TCF7L2: variants seen among roughly 807,000 people sequenced by gnomAD.
TCF7L2 encodes the protein transcription factor 7-like 2.
TCF7L2 carries 23 observed loss-of-function variants against 77.9 expected under a neutral mutation model. The observed-to-expected ratio is 0.30, with a 90% confidence interval of 0.21 to 0.42. The LOEUF is 0.42. Ranked by LOEUF, TCF7L2 falls within the 10% of genes least tolerant of loss-of-function variation. The probability of loss-of-function intolerance (pLI) is 1.00; values close to 1 mark genes in which losing one functional copy is unlikely to be tolerated. For synonymous variants in TCF7L2, 413 were observed against 340.2 expected, an observed-to-expected ratio of 1.21 and a Z score of -2.36; for missense variants, 654 against 793.1, an observed-to-expected ratio of 0.82 and a Z score of 2.11.
In TCF7L2 at chr10:113,092,441, G is replaced by T. The variant is rs1481938070; in HGVS notation, c.553-48743G>T. 2.0e-5 allele frequency among the ~76,000 whole-genome samples: 3 copies of T among 152,348 alleles called. No homozygotes were observed. The East Asian group carries it at 5.8e-4, about 29-fold the overall frequency. On this transcript the variant is annotated intron_variant, in intron 5 of 13. Transcript: ENST00000627217. ...AGAGAGCTGGTGGGCTCAGACTGGT[G>T]CAGGCAATTGGCAAGATTCTTGAGG...
intron 12 of TCF7L2, 77 bp from the exon 14 acceptor site, chr10:113,159,843 C>G: frequency 6.3e-6 from 1 of 159,094 alleles, no homozygotes; most frequent in Non-Finnish European, 1.2e-5. Context: ...CCCCCCCCCC[C>G]CCTCTTTCTC....
intron 5 of TCF7L2, chr10:113,129,615 A>C (rs1200065737): frequency 1.2e-5 from 14 of 1,163,224 alleles, no homozygotes; most frequent in Middle Eastern, 3.9e-4. Flanking sequence ...TAACAAGATA[A>C]TTCTAGGCAA....
chr10:113,065,402 A>G (rs1469187858), intron 5 of TCF7L2, among the ~76,000 whole-genome samples: 2 of 152,194 alleles, frequency 1.3e-5, no homozygotes, highest in Non-Finnish European at 2.9e-5. Flanking sequence ...GTGTGAGTAT[A>G]CCTTACGGGT....
At position 113,064,060 on chromosome 10, in the gene TCF7L2, ATTG is replaced by A. The variant is rs536702904; in HGVS notation, c.552+23937_552+23939del. Among the ~76,000 whole-genome samples, 295 of 152,108 alleles carry A rather than the reference ATTG, an allele frequency of 1.9e-3. 1 individual carries two copies. The highest frequency in any genetic ancestry group is 6.0e-3 in the African/African-American group (250 of 41,482). ...GAGGCGTTTATTGGTATTTGGAGAGATTGTTAAGAGCTTGCTGGAGTCAGGTGG... is the reference window on the plus strand; with the variant it reads ...GAGGCGTTTATTGGTATTTGGAGAGATTAAGAGCTTGCTGGAGTCAGGTGG... On this transcript the variant is annotated intron_variant, in intron 5 of 13. Transcript: ENST00000627217.
rs1335333532 is a variant in TCF7L2, at chr10:113,143,972, A to G, written c.735A>G (p.Leu245=). ...CAGATATATCCCCGTATTACCCACT[A>G]TCGCCTGGCACCGTAGGACAAATCC... The change falls in exon 7 of 14, where the codon CTA becomes CTG. Residue 245 remains leucine, a synonymous_variant. Coordinates refer to ENST00000627217, the MANE Select transcript of TCF7L2 (RefSeq NM_001146274.2). 3.1e-6 allele frequency: 5 copies of G among 1,613,948 alleles called. No individual in the cohort carries two copies. Among genetic ancestry groups the G allele is most frequent in the Non-Finnish European group, 3.4e-6 (4 of 1,180,016 alleles).
chr10:113,158,110 T>G, intron 12 of TCF7L2, 41 bp downstream of exon 12: 1 of 1,565,646 alleles, frequency 6.4e-7, no homozygotes, highest in South Asian at 1.2e-5. Flanking sequence ...AGCTGTAGCC[T>G]GAGGACCACC....
In TCF7L2 at chr10:113,151,265, A is replaced by C; in HGVS notation, c.1001+142A>C. 1 of 1,099,652 alleles carries C rather than the reference A, an allele frequency of 9.1e-7. No homozygotes were observed. Among genetic ancestry groups the C allele is most frequent in the Non-Finnish European group, 1.3e-6 (1 of 760,636 alleles). The allele number at this position is 1,099,652 out of a possible 1,614,324, so 68.1% of individuals were successfully genotyped here. On this transcript the variant is annotated intron_variant, in intron 9 of 13. Transcript: ENST00000627217. The surrounding 1 kb of genome is among the most constrained non-coding windows in gnomAD (Gnocchi z 5.2). ...AATACCCAGCCTGTGTGGGCTCTTC[A>C]CTCCCTTACAAAGAGAGAGAGAGTG...
intron 4 of TCF7L2, among the ~76,000 whole-genome samples, chr10:112,965,465 C>T (rs1226346346): frequency 1.3e-5 from 2 of 152,106 alleles, no homozygotes; most frequent in Non-Finnish European, 2.9e-5. Context: ...CTGGCTTAAC[C>T]CTTTGAAGGG....
chr10:113,160,560 T>C (rs2072998668), intron 12 of TCF7L2: 2 of 1,484,230 alleles, frequency 1.3e-6, no homozygotes, highest in African/African-American at 1.4e-5. Context: ...AGATTTCACA[T>C]CCAACTGAGC....
chr10:113,121,246 C>T (rs1479766553), intron 5 of TCF7L2, among the ~76,000 whole-genome samples: 1 of 152,168 alleles, frequency 6.6e-6, no homozygotes, highest in East Asian at 1.9e-4. Flanking sequence ...GAGCCTTGCC[C>T]CTCTTCTCGC....
intron 5 of TCF7L2, among the ~76,000 whole-genome samples, chr10:113,042,660 AG>A (rs1400476501): frequency 6.6e-6 from 1 of 152,138 alleles, no homozygotes; most frequent in Non-Finnish European, 1.5e-5. Context: ...AGGAAAGTAG[AG>A]TGGAAGAAAG....
At chr10:112,990,131 G>A (rs574671393) in intron 4 of TCF7L2, among the ~76,000 whole-genome samples, 11 of 152,250 alleles carry the variant, frequency 7.2e-5, no homozygotes, top group South Asian at 4.1e-4. Context: ...ACTCCTGCAC[G>A]TGGCTACAGT....
chr10:112,976,068 G>A lies in TCF7L2; in HGVS notation c.450+11444G>A, dbSNP rs78854884. On this transcript the variant is annotated intron_variant, in intron 4 of 13. Coordinates refer to ENST00000627217, the MANE Select transcript of TCF7L2 (RefSeq NM_001146274.2). ...GTCAGGTATATCTATCTGGGTTTGA[G>A]TGTCGGCTCTGCTAAGCTTCAGTTT... Among the ~76,000 whole-genome samples the A allele has an allele frequency of 7.9e-5, 12 of 152,336 alleles. No homozygotes were observed. In the East Asian group the frequency reaches 2.3e-3, roughly 29 times the overall value.
chr10:113,073,029 C>T (rs900675091), intron 5 of TCF7L2, among the ~76,000 whole-genome samples: 6 of 151,490 alleles, frequency 4.0e-5, no homozygotes, highest in Admixed American at 2.0e-4. Context: ...CTGTTCATGT[C>T]CCCAGGAATG....
At chr10:113,076,141 A>AG (rs2058671323) in intron 5 of TCF7L2, among the ~76,000 whole-genome samples, 1 of 151,184 alleles carries the variant, frequency 6.6e-6, no homozygotes, top group Non-Finnish European at 1.5e-5. Flanking sequence ...ATCTCAAAAA[A>AG]AAAAAAAAAA....
At chr10:113,109,454 C>T (rs2062841765) in intron 5 of TCF7L2, among the ~76,000 whole-genome samples, 1 of 152,142 alleles carries the variant, frequency 6.6e-6, no homozygotes, top group Non-Finnish European at 1.5e-5. Flanking sequence ...TGCAGTGGTG[C>T]AATCAAGGCT....
chr10:113,075,383 T>C (rs1233722644), intron 5 of TCF7L2, among the ~76,000 whole-genome samples: 2 of 151,360 alleles, frequency 1.3e-5, no homozygotes, highest in African/African-American at 4.9e-5. Context: ...CGCTTGAACC[T>C]GGGAGGTGGA....
chr10:112,950,748 G>GA lies in TCF7L2; in HGVS notation c.1dup, dbSNP rs373426839. On this transcript the variant is annotated 5_prime_UTR_variant, in exon 1 of 14. Transcript: ENST00000627217. ...TCTTCCAAAATTGCTGCTGGTGGGT[G>GA]AAAAAAAAATGCCGCAGCTGAACGG... is the stretch of plus-strand genomic sequence containing the variant. 2.5e-3 allele frequency: 3,877 copies of GA among 1,533,132 alleles called. 61 individuals are homozygous for GA. In the African/African-American group the frequency reaches 0.033, roughly 13 times the overall value. 95.0% of individuals were successfully genotyped at this position (1,533,132 alleles called of 1,614,324 possible).
intron 8 of TCF7L2, among the ~76,000 whole-genome samples, chr10:113,146,797 G>T (rs892656689): frequency 1.3e-5 from 2 of 150,980 alleles, no homozygotes; most frequent in Non-Finnish European, 1.5e-5. Context: ...TATCTTATAC[G>T]CACAGCACTT....
Sources: allele counts gnomAD v4.1 joint callset (sites outside exome capture counted in the v4.1 genomes callset), GRCh38; gene constraint gnomAD v4.1.1; non-coding constraint Gnocchi (gnomAD v3.1); transcripts MANE v1.5; gene names NCBI Gene and HGNC (gene_info 2026-07-23, HGNC 2026-07-21).